Variants in RHOBTB1 observed in about 807,000 individuals in gnomAD.
RHOBTB1 encodes rho-related BTB domain-containing protein 1.
Under a neutral mutation model 71.6 loss-of-function variants are expected in RHOBTB1, and 40 were observed. The ratio of observed to expected loss-of-function variants is 0.56; its 90% CI spans 0.43 to 0.73. The LOEUF (loss-of-function observed/expected upper bound fraction) is 0.73, where lower values mean the gene tolerates loss of function less well. RHOBTB1 is among the 30% of genes least tolerant of loss of function. The pLI is 0.00. For synonymous variants in RHOBTB1, 319 were observed against 334.9 expected, an observed-to-expected ratio of 0.95 and a Z score of 0.52; for missense variants, 797 against 894.0, an observed-to-expected ratio of 0.89 and a Z score of 1.38.
At chr10:60,988,009 C>G (rs2086726902) in intron 1 of RHOBTB1, among the ~76,000 whole-genome samples, 1 of 139,600 alleles carries the variant, frequency 7.2e-6, no homozygotes, top group African/African-American at 2.6e-5. Context: ...TCTCAGCTCA[C>G]TGCAAGCTGT....
intron 2 of RHOBTB1, among the ~76,000 whole-genome samples, chr10:60,939,248 G>A (rs576251600): frequency 6.6e-6 from 1 of 152,082 alleles, no homozygotes; most frequent in Non-Finnish European, 1.5e-5. Context: ...TGGGACATCT[G>A]GAAAAAGTGG....
chr10:60,882,808 G>A (rs2081386010), intron 7 of RHOBTB1, among the ~76,000 whole-genome samples: 1 of 152,144 alleles, frequency 6.6e-6, no homozygotes, highest in African/African-American at 2.4e-5. Context: ...AAAGGGAACT[G>A]GGGGCTTTTT....
rs548925314 is a variant in RHOBTB1 at position 60,966,839 on chromosome 10, C to A, written c.-62+19006G>T. ...TCTCCTAATGCTATCCCTCCCCCCT[C>A]CCCCCACCCCACAACAGGCCCCAGT... On this transcript the variant is annotated intron_variant, in intron 2 of 11. Transcript: ENST00000357917. 1.1e-3 allele frequency among the ~76,000 whole-genome samples: 156 copies of A among 143,710 alleles called. 1 individual carries two copies. The highest frequency in any genetic ancestry group is 3.8e-3 in the African/African-American group (149 of 39,168). The allele number at this position is 143,710 out of a possible 152,430, so 94.3% of individuals were successfully genotyped here.
At chr10:60,922,829 C>T (rs1312370658) in intron 2 of RHOBTB1, among the ~76,000 whole-genome samples, 1 of 152,202 alleles carries the variant, frequency 6.6e-6, no homozygotes, top group Non-Finnish European at 1.5e-5. Context: ...CTCAACCAGA[C>T]CCTTTCAGTT....
chr10:60,941,525 C>T (rs1283620770), intron 2 of RHOBTB1, among the ~76,000 whole-genome samples: 3 of 152,098 alleles, frequency 2.0e-5, no homozygotes, highest in Non-Finnish European at 4.4e-5. Context: ...CCCCAGTATT[C>T]TCAACCACGG....
At chr10:60,891,860 G>A (rs1337652115) in intron 5 of RHOBTB1, among the ~76,000 whole-genome samples, 6 of 152,118 alleles carry the variant, frequency 3.9e-5, no homozygotes, top group African/African-American at 7.2e-5. Context: ...CATGTGTCAC[G>A]GGAGGGACCT....
chr10:60,911,023 T>C, intron 3 of RHOBTB1, 33 bp from the exon 4 acceptor site: 1 of 1,579,010 alleles, frequency 6.3e-7, no homozygotes, highest in African/African-American at 1.3e-5. Flanking sequence ...CTGTGCTCGG[T>C]GTCAGTCAGA....
At chr10:60,881,067 C>T (rs1478888897) in intron 7 of RHOBTB1, among the ~76,000 whole-genome samples, 1 of 152,112 alleles carries the variant, frequency 6.6e-6, no homozygotes, top group Non-Finnish European at 1.5e-5. Context: ...GGTGGTTCCC[C>T]CCAGACTATT....
chr10:60,915,834 C>A (rs1377558496), intron 2 of RHOBTB1, among the ~76,000 whole-genome samples: 1 of 152,206 alleles, frequency 6.6e-6, no homozygotes, highest in Non-Finnish European at 1.5e-5. Flanking sequence ...ACACAGCGTT[C>A]TTGGGCCTAC....
rs2134606996 is a variant in RHOBTB1 at position 60,966,845 on chromosome 10, AC to A, written c.-62+18999del. ...AATGCTATCCCTCCCCCCTCCCCCCACCCCACAACAGGCCCCAGTGTGTGAT... is the reference window on the plus strand; with the variant it reads ...AATGCTATCCCTCCCCCCTCCCCCCACCCACAACAGGCCCCAGTGTGTGAT... On this transcript the variant is annotated intron_variant, in intron 2 of 11. Coordinates refer to the RHOBTB1 transcript ENST00000357917. Among the ~76,000 whole-genome samples the A allele has an allele frequency of 5.2e-5, 5 of 95,876 alleles. No individual in the cohort carries two copies. The East Asian group carries it at 1.7e-3, about 32-fold the overall frequency. 62.9% of individuals were successfully genotyped at this position (95,876 alleles called of 152,430 possible).
chr10:60,993,432 T>C (rs2086937111), intron 1 of RHOBTB1, among the ~76,000 whole-genome samples: 1 of 152,180 alleles, frequency 6.6e-6, no homozygotes, highest in Non-Finnish European at 1.5e-5. Context: ...TTCTATTATA[T>C]ACATATGCAT....
intron 7 of RHOBTB1, among the ~76,000 whole-genome samples, chr10:60,878,415 G>A (rs185734590): frequency 6.6e-5 from 10 of 152,302 alleles, no homozygotes; most frequent in Non-Finnish European, 1.3e-4. Flanking sequence ...CAACATGACA[G>A]GTGTTGGGCG....
chr10:60,923,085 G>A (rs1190948916), intron 2 of RHOBTB1, among the ~76,000 whole-genome samples: 1 of 152,202 alleles, frequency 6.6e-6, no homozygotes, highest in East Asian at 1.9e-4. Flanking sequence ...CTTTCACAGA[G>A]CCTATGGTTA....
chr10:60,900,813 G>A (rs1289925428), intron 4 of RHOBTB1, among the ~76,000 whole-genome samples: 1 of 152,140 alleles, frequency 6.6e-6, no homozygotes, highest in African/African-American at 2.4e-5. Context: ...TGTTAATGCT[G>A]AAAGACTGCC....
At chr10:60,917,865 C>T (rs553030282) in intron 2 of RHOBTB1, among the ~76,000 whole-genome samples, 96 of 152,300 alleles carry the variant, frequency 6.3e-4, no homozygotes, top group African/African-American at 2.3e-3. Context: ...TCAGACATCA[C>T]CTCCCCTGGA....
At chr10:60,875,876 A>G (rs1261115652) in intron 8 of RHOBTB1, among the ~76,000 whole-genome samples, 1 of 152,144 alleles carries the variant, frequency 6.6e-6, no homozygotes, top group East Asian at 1.9e-4. Flanking sequence ...TGCCTCTGAG[A>G]CTGACGTGTG....
rs182568533 is a variant in RHOBTB1, at chr10:60,894,622, T to C, written c.297-1627A>G. ...GAGTTTTCTATTATTCATAATCATATTTATATCAGGTATCTGATGAAACTC... is the reference window on the plus strand; with the variant it reads ...GAGTTTTCTATTATTCATAATCATACTTATATCAGGTATCTGATGAAACTC... On this transcript the variant is annotated intron_variant, in intron 4 of 10. Coordinates refer to ENST00000337910, the MANE Select transcript of RHOBTB1 (RefSeq NM_014836.5). 1.3e-3 allele frequency among the ~76,000 whole-genome samples: 203 copies of C among 152,314 alleles called. 1 individual carries two copies. The highest frequency in any genetic ancestry group is 4.7e-3 in the African/African-American group (195 of 41,588).
chr10:60,893,520 C>G (rs1412888872), intron 4 of RHOBTB1, among the ~76,000 whole-genome samples: 1 of 152,136 alleles, frequency 6.6e-6, no homozygotes, highest in Admixed American at 6.5e-5. Flanking sequence ...CACTTATGCA[C>G]ACATGTAGAC....
Position 60,911,334 on chromosome 10 carries a change from C to T in RHOBTB1, c.192+17G>A, listed in dbSNP as rs375960484. 3 of 1,597,694 alleles carry T rather than the reference C, an allele frequency of 1.9e-6. No homozygotes were observed. The highest frequency in any genetic ancestry group is 2.6e-6 in the Non-Finnish European group (3 of 1,166,834). ...TGATGTGCCCTAGGGATGCTGAAGA[C>T]ACTCTGTGCATCTTACCTCCTGGCA... On this transcript the variant is annotated intron_variant, in intron 3 of 10. Coordinates refer to ENST00000337910, the MANE Select transcript of RHOBTB1 (RefSeq NM_014836.5).
Sources: gnomAD v4.1 joint callset for allele counts (sites outside exome capture counted in the v4.1 genomes callset) on GRCh38, gnomAD v4.1.1 for gene constraint, MANE v1.5 for transcripts, NCBI Gene and HGNC (gene_info 2026-07-23, HGNC 2026-07-21) for gene names.